The following NCS1 variants were observed in gnomAD, a reference collection of about 807,000 sequenced individuals.
NCS1 encodes neuronal calcium sensor 1.
A neutral mutation model predicts 28.4 loss-of-function variants in NCS1; 6 were observed. That is an observed-to-expected ratio of 0.21 (90% CI 0.12 to 0.42). The LOEUF is 0.42. NCS1 is among the 10% of genes least tolerant of loss of function. The probability of loss-of-function intolerance (pLI) is 1.00; values close to 1 mark genes in which losing one functional copy is unlikely to be tolerated. For synonymous variants in NCS1, 86 were observed against 99.3 expected (o/e 0.87, Z 0.79); for missense variants, 131 against 241.4 (o/e 0.54, Z 3.03).
intron 1 of NCS1, among the ~76,000 whole-genome samples, chr9:130,188,061 T>C (rs1361581782): frequency 1.3e-5 from 2 of 152,244 alleles, no homozygotes; most frequent in Non-Finnish European, 2.9e-5. Context: ...CCTGCCCCTG[T>C]GGGGTGCCCC....
intron 4 of NCS1, among the ~76,000 whole-genome samples, chr9:130,220,849 G>A (rs1554910171): frequency 6.6e-6 from 1 of 151,038 alleles, no homozygotes; most frequent in Admixed American, 6.6e-5. Flanking sequence ...ACTGTAGCAG[G>A]CCACACCATA....
At chr9:130,206,518 C>T (rs1297506318) in intron 2 of NCS1, among the ~76,000 whole-genome samples, 1 of 149,410 alleles carries the variant, frequency 6.7e-6, no homozygotes, top group African/African-American at 2.5e-5. Context: ...AAGTGATTCT[C>T]TTGCCTCAGC....
At chr9:130,173,161 G>A (rs1015071348) in intron 1 of NCS1, among the ~76,000 whole-genome samples, 1 of 151,624 alleles carries the variant, frequency 6.6e-6, no homozygotes, top group Non-Finnish European at 1.5e-5. Flanking sequence ...CCGCTGCTGC[G>A]AGATTGGCCT....
chr9:130,214,167 T>A (rs1284715869), intron 2 of NCS1, among the ~76,000 whole-genome samples: 2 of 152,136 alleles, frequency 1.3e-5, no homozygotes, highest in African/African-American at 4.8e-5. Flanking sequence ...TGGTATAGCG[T>A]GGTACAGGCT....
chr9:130,200,414 A>T, intron 1 of NCS1: 1 of 654,568 alleles, frequency 1.5e-6, no homozygotes, highest in Non-Finnish European at 2.7e-6. Flanking sequence ...ATGTCTTGCC[A>T]GTGAAAGAGC....
rs148861092 is a variant in NCS1, at chr9:130,220,212, G to A, written c.307+409G>A. On this transcript the variant is annotated intron_variant, in intron 4 of 7. Transcript: ENST00000372398. ...GGACCCAAGACCCAGGTTCAGTGCC[G>A]GACCCACCTCTTTCATAGCCATTGC... 3.6e-3 allele frequency among the ~76,000 whole-genome samples: 545 copies of A among 152,270 alleles called. 3 individuals are homozygous for A. Among genetic ancestry groups the A allele is most frequent in the African/African-American group, 0.012 (505 of 41,552 alleles).
At chr9:130,206,642 T>C (rs564104969) in intron 2 of NCS1, among the ~76,000 whole-genome samples, 58 of 152,226 alleles carry the variant, frequency 3.8e-4, no homozygotes, top group Admixed American at 1.1e-3. Flanking sequence ...ACTCCTGACC[T>C]CAGATGATCC....
chr9:130,188,149 T>C (rs1281861343), intron 1 of NCS1, among the ~76,000 whole-genome samples: 4 of 152,234 alleles, frequency 2.6e-5, no homozygotes, highest in African/African-American at 7.2e-5. Context: ...ATTGTTAACA[T>C]TTTGGGATAC....
rs1038045365 is a variant in NCS1, at chr9:130,219,715, C to T, written c.229-10C>T. 3.7e-6 allele frequency: 6 copies of T among 1,614,054 alleles called. No homozygotes were observed. Among genetic ancestry groups the T allele is most frequent in the Non-Finnish European group, 5.1e-6 (6 of 1,179,982 alleles). On this transcript the variant is annotated splice_polypyrimidine_tract_variant and intron_variant, in intron 3 of 7. Coordinates refer to ENST00000372398, the MANE Select transcript of NCS1 (RefSeq NM_014286.4). This position sits in a 1 kb window ranked among gnomAD's most constrained non-coding sequence, Gnocchi z 5.7. ...CACTGACTGAGGCAATCCCCTCTCT[C>T]TCCTGTCAGGACGGGCGAATTGAGT...
At position 130,219,412 on chromosome 9, in the gene NCS1, C is replaced by CAA. The variant is rs1833237511; in HGVS notation, c.229-313_229-312insAA. On this transcript the variant is annotated intron_variant, in intron 3 of 7. Coordinates refer to ENST00000372398, the MANE Select transcript of NCS1 (RefSeq NM_014286.4). This position sits in a 1 kb window ranked among gnomAD's most constrained non-coding sequence, Gnocchi z 5.7. ...GCTTCCGGGCTGTTGCTGAGAGGAGCTCAGGCATTGGTGCTTCTGGCACCT... is the reference window on the plus strand; with the variant it reads ...GCTTCCGGGCTGTTGCTGAGAGGAGCAATCAGGCATTGGTGCTTCTGGCACCT... 3.3e-5 allele frequency among the ~76,000 whole-genome samples: 5 copies of CAA among 152,322 alleles called. No individual in the cohort carries two copies. In the South Asian group the frequency reaches 1.0e-3, roughly 32 times the overall value.
chr9:130,197,716 A>C (rs1240463655), intron 1 of NCS1, among the ~76,000 whole-genome samples: 4 of 152,116 alleles, frequency 2.6e-5, no homozygotes, highest in Non-Finnish European at 5.9e-5. Context: ...TAATCTCAGC[A>C]CTTTGGGAGG....
intron 1 of NCS1, among the ~76,000 whole-genome samples, chr9:130,188,209 T>G (rs1404728699): frequency 6.6e-6 from 1 of 152,170 alleles, no homozygotes; most frequent in Non-Finnish European, 1.5e-5. Flanking sequence ...CTGGATAAGG[T>G]TTTGTTCTAG....
chr9:130,203,922 G>C (rs1309269716), intron 2 of NCS1, among the ~76,000 whole-genome samples: 1 of 152,194 alleles, frequency 6.6e-6, no homozygotes, highest in Non-Finnish European at 1.5e-5. Flanking sequence ...GCCGCAGACA[G>C]CAGAGTGGCT....
At chr9:130,228,667 C>CT (rs1833452234) in intron 7 of NCS1, among the ~76,000 whole-genome samples, 1 of 148,750 alleles carries the variant, frequency 6.7e-6, no homozygotes, top group African/African-American at 2.5e-5. Context: ...TTCTTTCTTT[C>CT]TTTCTTTTTT....
chr9:130,229,604 G>A (rs1446732578), intron 7 of NCS1, among the ~76,000 whole-genome samples: 1 of 152,152 alleles, frequency 6.6e-6, no homozygotes, highest in Non-Finnish European at 1.5e-5. Context: ...GTCCCATGGT[G>A]AATGCTGATC....
Position 130,217,762 on chromosome 9 carries a change from G to A in NCS1, c.90-70G>A, listed in dbSNP as rs539898417. 4.4e-6 allele frequency: 7 copies of A among 1,608,854 alleles called. No individual in the cohort carries two copies. In the Admixed American group the frequency reaches 1.2e-4, roughly 27 times the overall value. ...CACAGCTTTCCTGGGCCCCGGGCAGGCGATGTTGGTGGTGGGTGGGTGATG... is the reference window on the plus strand; with the variant it reads ...CACAGCTTTCCTGGGCCCCGGGCAGACGATGTTGGTGGTGGGTGGGTGATG... On this transcript the variant is annotated intron_variant, in intron 2 of 7. Coordinates refer to ENST00000372398, the MANE Select transcript of NCS1 (RefSeq NM_014286.4).
chr9:130,216,393 C>G (rs1554909381), intron 2 of NCS1, among the ~76,000 whole-genome samples: 1 of 152,188 alleles, frequency 6.6e-6, no homozygotes, highest in Non-Finnish European at 1.5e-5. Flanking sequence ...ATGTCTTCCT[C>G]TCTCTGAGCC....
At position 130,220,196 on chromosome 9, in the gene NCS1, A is replaced by G. The variant is rs577193152; in HGVS notation, c.307+393A>G. ...GCAGGAGGGTCGGTGGGGACCCAAG[A>G]CCCAGGTTCAGTGCCGGACCCACCT... On this transcript the variant is annotated intron_variant, in intron 4 of 7. Transcript: ENST00000372398. 2.0e-3 allele frequency among the ~76,000 whole-genome samples: 299 copies of G among 152,154 alleles called. 1 individual carries two copies. Among genetic ancestry groups the G allele is most frequent in the Non-Finnish European group, 2.4e-3 (161 of 67,998 alleles).
At chr9:130,221,413 T>TATAGAG (rs1833297741) in intron 4 of NCS1, among the ~76,000 whole-genome samples, 1 of 57,738 alleles carries the variant, frequency 1.7e-5, no homozygotes, top group African/African-American at 7.9e-5. Context: ...TATATATATA[T>TATAGAG]AGAGAGAGAG....
Sources: gnomAD v4.1 joint callset for allele counts (sites outside exome capture counted in the v4.1 genomes callset) on GRCh38, gnomAD v4.1.1 for gene constraint, Gnocchi (gnomAD v3.1) non-coding constraint, MANE v1.5 for transcripts, NCBI Gene and HGNC (gene_info 2026-07-23, HGNC 2026-07-21) for gene names.